PNPLA6: variants seen among roughly 807,000 people sequenced by gnomAD.
The protein encoded by PNPLA6 is patatin-like phospholipase domain-containing protein 6.
PNPLA6 carries 105 observed loss-of-function variants against 153.7 expected under a neutral mutation model. The observed-to-expected ratio is 0.68, with a 90% CI of 0.58 to 0.80. The LOEUF is 0.80. Ranked by LOEUF, PNPLA6 falls within the 30% of genes least tolerant of loss-of-function variation. PNPLA6 has a pLI of 0.00. For missense variants in PNPLA6, 1,423 were observed against 1,919.3 expected (o/e 0.74, Z 4.83); for synonymous variants, 825 against 822.2 (o/e 1.00, Z -0.06).
rs922037834 is a variant in PNPLA6 at position 7,557,076 on chromosome 19, G to A, written c.3281-92G>A. The A allele has an allele frequency of 1.5e-5, 14 of 947,644 alleles. No individual in the cohort carries two copies. The African/African-American group carries it at 1.9e-4, about 13-fold the overall frequency. 58.7% of individuals were successfully genotyped at this position (947,644 alleles called of 1,614,324 possible). A position where few individuals can be genotyped will look rare whatever the true frequency, so the allele number is the denominator to read the frequency against. Reference sequence around the variant, plus strand: ...GGTGGACGGGTGCTACGTTAACAACGTCCCAGGTCAGCGAGCCCATCGGGC... The same window carrying A: ...GGTGGACGGGTGCTACGTTAACAACATCCCAGGTCAGCGAGCCCATCGGGC... On this transcript the variant is annotated intron_variant, in intron 26 of 31. Transcript: ENST00000600737.
In PNPLA6 at chr19:7,555,874, A is replaced by G. The variant is rs191149026; in HGVS notation, c.3093+111A>G. ...TCCGGGGTCAGGGTGACCCTTCCTG[A>G]TTAAATCTATGATCCCCAGCTGTCC... is the stretch of plus-strand genomic sequence containing the variant. On this transcript the variant is annotated intron_variant, in intron 24 of 31. Coordinates refer to ENST00000600737, the MANE Select transcript of PNPLA6 (RefSeq NM_001166114.2). This position sits in a 1 kb window ranked among gnomAD's most constrained non-coding sequence, Gnocchi z 6.3. 2.6e-4 allele frequency: 295 copies of G among 1,150,126 alleles called. 3 individuals carry two copies. The East Asian group carries it at 3.7e-3, about 15-fold the overall frequency. The allele number at this position is 1,150,126 out of a possible 1,614,324, so 71.2% of individuals were successfully genotyped here.
At chr19:7,561,361 T>C in intron 31 of PNPLA6, 44 bp downstream of exon 31, 1 of 1,476,364 alleles carries the variant, frequency 6.8e-7, no homozygotes, top group Non-Finnish European at 9.3e-7. Context: ...CCCCAGAGGG[T>C]CATGAGTACA....
At chr19:7,552,035 C>A (rs762824253) in intron 18 of PNPLA6, among the ~76,000 whole-genome samples, 1 of 152,094 alleles carries the variant, frequency 6.6e-6, no homozygotes, top group South Asian at 2.1e-4. Flanking sequence ...TGCTTGAGCC[C>A]GGAGGTCGAG....
intron 29 of PNPLA6, 112 bp downstream of exon 29, chr19:7,560,876 G>A: frequency 1.2e-6 from 1 of 867,880 alleles, no homozygotes; most frequent in Non-Finnish European, 1.9e-6. Flanking sequence ...GGGTTTTGCT[G>A]AGCTCTCAGA....
chr19:7,557,289 G>A lies in PNPLA6; in HGVS notation c.3397+5G>A. 1 of 1,575,738 alleles carries A rather than the reference G, an allele frequency of 6.3e-7. No individual in the cohort carries two copies. Among genetic ancestry groups the A allele is most frequent in the Non-Finnish European group, 8.7e-7 (1 of 1,147,254 alleles). On this transcript the variant is annotated splice_donor_5th_base_variant and intron_variant, in intron 27 of 31. Coordinates refer to ENST00000600737, the MANE Select transcript of PNPLA6 (RefSeq NM_001166114.2). ...GCTACATCAACAATCTGCCAGGCAA[G>A]TGGCCGCCCGCACCACCCGCACACG...
At position 7,535,744 on chromosome 19, in the gene PNPLA6, A is replaced by T. The variant is rs1056771027; in HGVS notation, c.-45A>T. 1 of 1,519,384 alleles carries T rather than the reference A, an allele frequency of 6.6e-7. No homozygotes were observed. The highest frequency in any genetic ancestry group is 1.4e-5 in the African/African-American group (1 of 72,704). 94.1% of individuals were successfully genotyped at this position (1,519,384 alleles called of 1,614,324 possible). On this transcript the variant is annotated 5_prime_UTR_variant, in exon 1 of 32. The change creates a new upstream start codon in the 5' untranslated region. Transcript: ENST00000600737. The surrounding 1 kb of genome is among the most constrained non-coding windows in gnomAD (Gnocchi z 5.0). The stretch of plus-strand genomic sequence containing the variant: ...ACTGCGGGCCGCCGGGCCTCAGGGA[A>T]GAGTCGCGCCCCCGGGGAGGGAGCA...
chr19:7,541,945 G>A lies in PNPLA6; in HGVS notation c.1169-39G>A. On this transcript the variant is annotated intron_variant, in intron 9 of 31. Transcript: ENST00000600737. The surrounding 1 kb of genome is among the most constrained non-coding windows in gnomAD (Gnocchi z 5.2). ...TCCCAACCTGCTAATCCTCCTAGTG[G>A]CTCTGAGGGGCAGGAGCCTGAACAT... The A allele has an allele frequency of 6.5e-7, 1 of 1,532,322 alleles. No individual in the cohort carries two copies. 94.9% of individuals were successfully genotyped at this position (1,532,322 alleles called of 1,614,324 possible).
intron 2 of PNPLA6, 41 bp downstream of exon 2, chr19:7,536,314 G>A: frequency 6.6e-7 from 1 of 1,516,898 alleles, no homozygotes; most frequent in Non-Finnish European, 9.2e-7. Flanking sequence ...ACCACACAGA[G>A]GCCGCGCCCC....
rs1368329993 is a variant in PNPLA6, at chr19:7,554,035, TG to T, written c.2401+23del. On this transcript the variant is annotated intron_variant, in intron 19 of 31. Transcript: ENST00000600737. ...CCATCGGTCAGTGGGGTGAGGGTCATGGGTGGGGGCTGGCGGTGGGTGGGAC... is the reference window on the plus strand; with the variant it reads ...CCATCGGTCAGTGGGGTGAGGGTCATGGTGGGGGCTGGCGGTGGGTGGGAC... 1.2e-6 allele frequency: 1 copy of T among 866,536 alleles called. No homozygotes were observed. Among genetic ancestry groups the T allele is most frequent in the Non-Finnish European group, 1.6e-6 (1 of 621,478 alleles). The allele number at this position is 866,536 out of a possible 1,614,324, so 53.7% of individuals were successfully genotyped here. A position where few individuals can be genotyped will look rare whatever the true frequency, so the allele number is the denominator to read the frequency against.
intron 3 of PNPLA6, among the ~76,000 whole-genome samples, 153 bp downstream of exon 3, chr19:7,536,699 G>A (rs1032826745): frequency 4.6e-5 from 7 of 152,116 alleles, no homozygotes; most frequent in African/African-American, 9.7e-5. Context: ...AGGCTAAGGC[G>A]GGCAGATCAC....
chr19:7,554,462 C>T, intron 20 of PNPLA6, 93 bp from the exon 21 acceptor site: 2 of 1,470,036 alleles, frequency 1.4e-6, no homozygotes, highest in Non-Finnish European at 9.5e-7. Flanking sequence ...GTTTGGGTGT[C>T]TAAGTTCCTC....
chr19:7,553,589 T>G (rs1226397576), intron 18 of PNPLA6, among the ~76,000 whole-genome samples: 2 of 152,166 alleles, frequency 1.3e-5, no homozygotes, highest in Non-Finnish European at 2.9e-5. Flanking sequence ...TCTGAATGGT[T>G]GTAGAGTTGT....
chr19:7,543,207 T>G (rs2023235913), intron 13 of PNPLA6, 123 bp downstream of exon 13: 1 of 871,008 alleles, frequency 1.1e-6, no homozygotes, highest in Non-Finnish European at 1.9e-6. Flanking sequence ...CAGACCTCTC[T>G]CATCCTATCA....
chr19:7,536,986 G>C (rs1475233499), intron 3 of PNPLA6, among the ~76,000 whole-genome samples: 3 of 147,970 alleles, frequency 2.0e-5, no homozygotes, highest in African/African-American at 7.5e-5. Context: ...TCCTGTTTCA[G>C]AGAGACATCT....
intron 18 of PNPLA6, among the ~76,000 whole-genome samples, 163 bp downstream of exon 18, chr19:7,551,600 A>T (rs556604044): frequency 6.6e-6 from 1 of 152,264 alleles, no homozygotes; most frequent in Non-Finnish European, 1.5e-5. Context: ...GGTGCAGAGC[A>T]TTCTGGGGAA....
intron 29 of PNPLA6, 120 bp downstream of exon 29, chr19:7,560,884 A>G (rs548198185): frequency 1.2e-6 from 1 of 856,568 alleles, no homozygotes. Context: ...CTGAGCTCTC[A>G]GACCTCTGCT....
intron 16 of PNPLA6, 140 bp downstream of exon 16, chr19:7,550,780 A>G (rs563999404): frequency 8.6e-7 from 1 of 1,162,460 alleles, no homozygotes; most frequent in Admixed American, 2.2e-5. Flanking sequence ...CTCCCCGCCC[A>G]GACCTCATTT....
intron 13 of PNPLA6, among the ~76,000 whole-genome samples, chr19:7,549,288 G>A (rs1370140424): frequency 2.0e-5 from 3 of 147,948 alleles, no homozygotes; most frequent in African/African-American, 5.0e-5. Flanking sequence ...CCGGTTTCAC[G>A]CCATTCTCCT....
rs1457912962 is a variant in PNPLA6, at chr19:7,555,438, T to C, written c.2936+71T>C. On this transcript the variant is annotated intron_variant, in intron 23 of 31. Transcript: ENST00000600737. This position sits in a 1 kb window ranked among gnomAD's most constrained non-coding sequence, Gnocchi z 6.3. ...GGGTGGAGCTTCCTGGGAGAAACCG[T>C]GGGGGCGGGGCCTGGGTGTTCGAGG... 3.5e-5 allele frequency: 46 copies of C among 1,313,484 alleles called. No homozygotes were observed. Among genetic ancestry groups the C allele is most frequent in the Non-Finnish European group, 4.3e-5 (41 of 949,152 alleles). 81.4% of individuals were successfully genotyped at this position (1,313,484 alleles called of 1,614,324 possible).
Sources: gnomAD v4.1 joint callset for allele counts (sites outside exome capture counted in the v4.1 genomes callset) on GRCh38, gnomAD v4.1.1 for gene constraint, Gnocchi (gnomAD v3.1) non-coding constraint, MANE v1.5 for transcripts, NCBI Gene and HGNC (gene_info 2026-07-23, HGNC 2026-07-21) for gene names.